ETFBKMT: variants seen among roughly 807,000 people sequenced by gnomAD.
ETFBKMT encodes electron transfer flavoprotein beta subunit lysine methyltransferase.
In ETFBKMT, 13 loss-of-function variants were observed where a neutral mutation model predicts 18.3. That is an observed-to-expected ratio of 0.71 (90% CI 0.46 to 1.13). ETFBKMT has a LOEUF of 1.13. Among genes scored for constraint, ETFBKMT ranks in the 50% most tolerant of loss-of-function variants. The probability of loss-of-function intolerance (pLI) is 0.00; values close to 1 mark genes in which losing one functional copy is unlikely to be tolerated. For missense variants in ETFBKMT, 293 were observed against 306.2 expected, an observed-to-expected ratio of 0.96 and a Z score of 0.32; for synonymous variants, 84 against 107.9, an observed-to-expected ratio of 0.78 and a Z score of 1.37.
At chr12:31,662,505 CTTTTTT>C (rs35366747) in intron 2 of ETFBKMT, among the ~76,000 whole-genome samples, 3 of 128,844 alleles carry the variant, frequency 2.3e-5, no homozygotes, top group Non-Finnish European at 3.3e-5. Flanking sequence ...TTCTTTCTTT[CTTTTTT>C]TTTTTTTTTT....
At chr12:31,654,948 C>T (rs369732334), upstream of ETFBKMT, among the ~76,000 whole-genome samples, 10 of 151,792 alleles carry the variant, frequency 6.6e-5, no homozygotes, top group South Asian at 4.2e-4. Flanking sequence ...CCCAGGTACT[C>T]GGGAGGCTGA....
At chr12:31,666,423 C>T (rs955615792) in intron 3 of ETFBKMT, among the ~76,000 whole-genome samples, 3 of 152,110 alleles carry the variant, frequency 2.0e-5, no homozygotes, top group Non-Finnish European at 4.4e-5. Context: ...TTGTGTCTGC[C>T]AGACATCCAG....
At chr12:31,667,523 A>C (rs1338056470) in intron 3 of ETFBKMT, 124 bp from the exon 4 acceptor site, 2 of 788,854 alleles carry the variant, frequency 2.5e-6, no homozygotes, top group Non-Finnish European at 3.9e-6. Flanking sequence ...CTACTTTAAA[A>C]AACAACTTTC....
chr12:31,657,898 G>T, upstream of ETFBKMT, among the ~76,000 whole-genome samples: 1 of 152,122 alleles, frequency 6.6e-6, no homozygotes, highest in East Asian at 1.9e-4. Flanking sequence ...TAAGGCAATG[G>T]CAGGAGGGAT....
At chr12:31,652,962 A>C (rs1025531647) in intron 1 of ETFBKMT, among the ~76,000 whole-genome samples, 1 of 152,252 alleles carries the variant, frequency 6.6e-6, no homozygotes, top group African/African-American at 2.4e-5. Flanking sequence ...TAATCCCAGC[A>C]CTTTGGGAGG....
At chr12:31,663,191 C>T (rs929620742) in intron 2 of ETFBKMT, among the ~76,000 whole-genome samples, 4 of 151,936 alleles carry the variant, frequency 2.6e-5, no homozygotes, top group African/African-American at 9.7e-5. Context: ...CTCCCGGGTT[C>T]ACGCCATTCT....
intron 2 of ETFBKMT, among the ~76,000 whole-genome samples, chr12:31,664,130 C>T (rs1951164292): frequency 1.3e-5 from 2 of 151,704 alleles, no homozygotes; most frequent in African/African-American, 4.8e-5. Flanking sequence ...CTGCCATTCT[C>T]CTGCCTCAGT....
intron 1 of ETFBKMT, among the ~76,000 whole-genome samples, chr12:31,653,569 G>A (rs61930407): frequency 0.011 from 1,672 of 152,362 alleles, 15 homozygotes; most frequent in Middle Eastern, 0.02. Context: ...GGTGCCCATA[G>A]ATTTGTTGCA....
intron 2 of ETFBKMT, among the ~76,000 whole-genome samples, chr12:31,665,060 C>T (rs1951176973): frequency 6.6e-6 from 1 of 151,606 alleles, no homozygotes; most frequent in South Asian, 2.1e-4. Flanking sequence ...CCTCAGCCTC[C>T]CGAGTAGCTG....
rs1951247556 is a variant in ETFBKMT at position 31,670,018 on chromosome 12, A to G, written c.*2028A>G. 6.6e-6 allele frequency: 1 copy of G among 151,832 alleles called. No homozygotes were observed. The highest frequency in any genetic ancestry group is 1.9e-4 in the East Asian group (1 of 5,148). 9.4% of individuals were successfully genotyped at this position (151,832 alleles called of 1,614,324 possible). A position where few individuals can be genotyped will look rare whatever the true frequency, so the allele number is the denominator to read the frequency against. On this transcript the variant is annotated 3_prime_UTR_variant, in exon 4 of 4. Transcript: ENST00000357721. ...AGGCATGCACCACCATGCCCAGCTA[A>G]TTTTTGTATTTTTAGTAAAGACAGG...
chr12:31,649,898 A>G (rs1951000779), intron 1 of ETFBKMT, among the ~76,000 whole-genome samples: 1 of 149,104 alleles, frequency 6.7e-6, no homozygotes, highest in South Asian at 2.1e-4. Context: ...CTGGGATTAC[A>G]GGCACGTACC....
At position 31,668,791 on chromosome 12, in the gene ETFBKMT, C is replaced by T. The variant is rs1161450832; in HGVS notation, c.*801C>T. 1 of 152,252 alleles carries T rather than the reference C, an allele frequency of 6.6e-6. No homozygotes were observed. The highest frequency in any genetic ancestry group is 6.5e-5 in the Admixed American group (1 of 15,278). The allele number at this position is 152,252 out of a possible 1,614,324, so 9.4% of individuals were successfully genotyped here. On this transcript the variant is annotated 3_prime_UTR_variant, in exon 4 of 4. Coordinates refer to ENST00000357721, the MANE Select transcript of ETFBKMT (RefSeq NM_001135863.2). Reference sequence around the variant, plus strand: ...TACAGGTGTGAGCCACCACGCCAGCCTGACGATGTTTTTTACTTCTATCAC... The same window carrying T: ...TACAGGTGTGAGCCACCACGCCAGCTTGACGATGTTTTTTACTTCTATCAC...
Position 31,662,018 on chromosome 12 carries a change from G to T in ETFBKMT, c.65G>T (p.Arg22Leu), listed in dbSNP as rs138402033. 4 of 1,614,242 alleles carry T rather than the reference G, an allele frequency of 2.5e-6. No individual in the cohort carries two copies. Among genetic ancestry groups the T allele is most frequent in the Non-Finnish European group, 8.5e-7 (1 of 1,180,040 alleles). The change falls in exon 2 of 4, where the codon CGA becomes CTA. Residue 22 changes from arginine to leucine, a missense_variant. Physicochemically the swap from Arg to Leu is moderately radical, Grantham distance 102. Transcript: ENST00000357721. ...TGTGGTCTCCTCTTGCAGGCTCTGCGAAGCAGTGGTCTTCTCTTGTTTCCC... is the reference window on the plus strand; with the variant it reads ...TGTGGTCTCCTCTTGCAGGCTCTGCTAAGCAGTGGTCTTCTCTTGTTTCCC... ...NHCGLLLQAL[R>L]SSGLLLFPCG...
At chr12:31,664,151 G>A (rs551006507) in intron 2 of ETFBKMT, among the ~76,000 whole-genome samples, 2 of 151,772 alleles carry the variant, frequency 1.3e-5, no homozygotes, top group African/African-American at 2.4e-5. Flanking sequence ...AGTACCCACT[G>A]TTCCTTATTA....
chr12:31,659,046 G>A (rs377063657), upstream of ETFBKMT: 36 of 151,894 alleles, frequency 2.4e-4, no homozygotes, highest in African/African-American at 8.4e-4. Context: ...AACTTTTTAG[G>A]AATCAAAATT....
At position 31,667,945 on chromosome 12, in the gene ETFBKMT, A is replaced by C; in HGVS notation, c.744A>C (p.Glu248Asp). The C allele has an allele frequency of 6.2e-7, 1 of 1,614,210 alleles. No homozygotes were observed. Among genetic ancestry groups the C allele is most frequent in the Non-Finnish European group, 8.5e-7 (1 of 1,180,020 alleles). ...EYSLLESTRQ[E>D]NSGLTTSTVW... is the part of the protein sequence containing the mutation. ...CACTTTTGGAGTCTACTAGGCAGGA[A>C]AACAGTGGACTGACAACAAGCACAG... Residue 248 changes from glutamate to aspartate, a missense_variant, in exon 4 of 4, where the codon GAA becomes GAC. Coordinates refer to ENST00000357721, the MANE Select transcript of ETFBKMT (RefSeq NM_001135863.2).
At chr12:31,659,526 A>T (rs1951093170), upstream of ETFBKMT, among the ~76,000 whole-genome samples, 1 of 152,176 alleles carries the variant, frequency 6.6e-6, no homozygotes, top group African/African-American at 2.4e-5. Flanking sequence ...ACAGTCACAT[A>T]CTTCATAACC....
chr12:31,657,090 G>A (rs1050384681), upstream of ETFBKMT, among the ~76,000 whole-genome samples: 12 of 152,168 alleles, frequency 7.9e-5, no homozygotes, highest in Non-Finnish European at 1.6e-4. Flanking sequence ...AGATCATACA[G>A]TTAATAAGTG....
intron 2 of ETFBKMT, among the ~76,000 whole-genome samples, chr12:31,665,220 G>T (rs922144480): frequency 2.6e-5 from 4 of 152,196 alleles, no homozygotes; most frequent in Non-Finnish European, 5.9e-5. Context: ...ACAGGCAGGA[G>T]CCACTGTGCC....
Sources: gnomAD v4.1 joint callset for allele counts (sites outside exome capture counted in the v4.1 genomes callset) on GRCh38, gnomAD v4.1.1 for gene constraint, MANE v1.5 for transcripts, NCBI Gene and HGNC (gene_info 2026-07-23, HGNC 2026-07-21) for gene names.